The following RNF128 variants were observed in gnomAD, a reference collection of about 807,000 sequenced individuals.
RNF128 encodes ring finger protein 128, also known as E3 ubiquitin-protein ligase RNF128.
In RNF128, 13 loss-of-function variants were observed where a neutral mutation model predicts 26.2. That is an observed-to-expected ratio of 0.50 (90% CI 0.32 to 0.79). The LOEUF (loss-of-function observed/expected upper bound fraction) is 0.79. Ranked by LOEUF, RNF128 falls within the 30% of genes least tolerant of loss-of-function variation. The probability of loss-of-function intolerance (pLI) is 0.03; values close to 1 mark genes in which losing one functional copy is unlikely to be tolerated. For missense variants in RNF128, 315 were observed against 349.7 expected (o/e 0.90, Z 0.79); for synonymous variants, 149 against 142.5 (o/e 1.05, Z -0.32).
intron 1 of RNF128, among the ~76,000 whole-genome samples, chrX:106,754,363 G>A (rs998957291): frequency 5.9e-5 from 6 of 101,062 alleles, no homozygotes; most frequent in Non-Finnish European, 1.2e-4. Flanking sequence ...TGGGACTACA[G>A]TGGGACTACA....
At chrX:106,789,662 A>AATC (rs1930785710) in intron 4 of RNF128, among the ~76,000 whole-genome samples, 1 of 106,719 alleles carries the variant, frequency 9.4e-6, no homozygotes, top group Non-Finnish European at 1.9e-5. Flanking sequence ...AATAAAATGA[A>AATC]ATCATGCATC....
At chrX:106,769,342 C>T (rs886251643) in intron 1 of RNF128, among the ~76,000 whole-genome samples, 17 of 110,235 alleles carry the variant, frequency 1.5e-4, no homozygotes, top group Admixed American at 4.8e-4. Flanking sequence ...TTATTGTGTG[C>T]GTGTCTAAGT....
chrX:106,749,236 C>T (rs770410675), intron 1 of RNF128, among the ~76,000 whole-genome samples: 8 of 112,214 alleles, frequency 7.1e-5, no homozygotes, highest in Non-Finnish European at 1.5e-4. Flanking sequence ...ATGACCACAT[C>T]TATATTGCTT....
At chrX:106,730,282 G>T (rs1316144891) in intron 1 of RNF128, among the ~76,000 whole-genome samples, 4 of 112,329 alleles carry the variant, frequency 3.6e-5, no homozygotes, top group Non-Finnish European at 7.5e-5. Flanking sequence ...TATTTTGTTT[G>T]CAGAGTATTC....
At chrX:106,765,862 C>T (rs1389219644) in intron 1 of RNF128, among the ~76,000 whole-genome samples, 1 of 104,774 alleles carries the variant, frequency 9.5e-6, no homozygotes, top group African/African-American at 3.5e-5. Context: ...TAATGCTATC[C>T]CCCCCAGCCC....
In RNF128 at chrX:106,705,345, G is replaced by C. The variant is rs183243795; in HGVS notation, c.406+10937G>C. 4.5e-5 allele frequency among the ~76,000 whole-genome samples: 5 copies of C among 111,989 alleles called. No homozygotes were observed. The Admixed American group carries it at 4.7e-4, about 11-fold the overall frequency. The stretch of plus-strand genomic sequence containing the variant: ...GGCTGGAAAATGATCTGTTTGTTAT[G>C]ACTAATGCTAATTACCTATCTGCAT... On this transcript the variant is annotated intron_variant, in intron 1 of 6. Coordinates refer to the RNF128 transcript ENST00000324342.
chrX:106,698,241 C>A (rs1415796293), intron 1 of RNF128, among the ~76,000 whole-genome samples: 2 of 108,273 alleles, frequency 1.8e-5, no homozygotes, highest in Non-Finnish European at 3.8e-5. Flanking sequence ...TTAAGAAATG[C>A]TTAGATTTGG....
intron 1 of RNF128, among the ~76,000 whole-genome samples, chrX:106,733,116 AT>A (rs763383666): frequency 1.8e-5 from 2 of 111,183 alleles, no homozygotes; most frequent in East Asian, 5.6e-4. Context: ...CATATTAGGT[AT>A]TATAAATAAT....
intron 1 of RNF128, among the ~76,000 whole-genome samples, chrX:106,770,689 C>T (rs984976472): frequency 1.8e-5 from 2 of 111,514 alleles, no homozygotes; most frequent in African/African-American, 6.5e-5. Context: ...GCGATGGGTT[C>T]GAACATCCTC....
chrX:106,704,911 T>C (rs758808393), intron 1 of RNF128, among the ~76,000 whole-genome samples: 3 of 112,002 alleles, frequency 2.7e-5, no homozygotes, highest in Non-Finnish European at 5.6e-5. Flanking sequence ...TGTAAAGGGC[T>C]GGCATTGTAT....
At chrX:106,784,972 A>G (rs904510106) in intron 2 of RNF128, 93 bp from the exon 3 acceptor site, 2 of 614,389 alleles carry the variant, frequency 3.3e-6, no homozygotes, top group Non-Finnish European at 5.0e-6. Flanking sequence ...ATTGACTTTT[A>G]CCTGATAAAT....
intron 1 of RNF128, among the ~76,000 whole-genome samples, chrX:106,717,665 A>C (rs1159749890): frequency 8.9e-6 from 1 of 112,397 alleles, no homozygotes; most frequent in Non-Finnish European, 1.9e-5. Context: ...ACTCCAAAAT[A>C]GAAAATTATA....
Position 106,785,061 on chromosome X carries a change from A to G in RNF128, c.733-4A>G. The G allele has an allele frequency of 8.8e-7, 1 of 1,139,344 alleles. No homozygotes were observed. The highest frequency in any genetic ancestry group is 1.9e-5 in the African/African-American group (1 of 52,945). 93.9% of individuals were successfully genotyped at this position (1,139,344 alleles called of 1,213,427 possible). A position where few individuals can be genotyped will look rare whatever the true frequency, so the allele number is the denominator to read the frequency against. On this transcript the variant is annotated splice_polypyrimidine_tract_variant and splice_region_variant and intron_variant, in intron 2 of 6. Coordinates refer to ENST00000255499, the MANE Select transcript of RNF128 (RefSeq NM_194463.2). ...TCTAATACCTGCTGTTTTTTTTTTT[A>G]CAGAGGCAATTAAAGGCAGATGCTA...
intron 1 of RNF128, among the ~76,000 whole-genome samples, chrX:106,743,870 T>G (rs955142996): frequency 1.8e-5 from 2 of 111,467 alleles, no homozygotes; most frequent in Non-Finnish European, 3.8e-5. Context: ...CCAACAATGA[T>G]AGACTGGATT....
chrX:106,789,233 G>A (rs1280266017), intron 4 of RNF128, among the ~76,000 whole-genome samples: 1 of 93,358 alleles, frequency 1.1e-5, no homozygotes, highest in African/African-American at 3.8e-5. Flanking sequence ...TTCCAACTAA[G>A]GAGTGAACAC....
intron 3 of RNF128, among the ~76,000 whole-genome samples, chrX:106,787,173 G>C (rs1930671844): frequency 9.0e-6 from 1 of 111,329 alleles, no homozygotes; most frequent in Non-Finnish European, 1.9e-5. Flanking sequence ...ATTCATAATT[G>C]TCAAATACTG....
At chrX:106,792,289 G>C (rs1440891273) in intron 6 of RNF128, among the ~76,000 whole-genome samples, 2 of 102,720 alleles carry the variant, frequency 1.9e-5, no homozygotes, top group African/African-American at 7.1e-5. Context: ...AAAAGAGAGT[G>C]TACGAGATAA....
At chrX:106,791,042 T>C in intron 5 of RNF128, 24 bp from the exon 6 acceptor site, 1 of 1,193,370 alleles carries the variant, frequency 8.4e-7, no homozygotes, top group East Asian at 3.0e-5. Flanking sequence ...GAGAGGCTTT[T>C]AATTTGTTAC....
At chrX:106,697,181 G>C (rs1277271265) in intron 1 of RNF128, among the ~76,000 whole-genome samples, 5 of 112,017 alleles carry the variant, frequency 4.5e-5, no homozygotes, top group Non-Finnish European at 9.4e-5. Flanking sequence ...CATGGCTAAA[G>C]CTGTAATTGG....
Sources: gnomAD v4.1 joint callset for allele counts (sites outside exome capture counted in the v4.1 genomes callset) on GRCh38, gnomAD v4.1.1 for gene constraint, MANE v1.5 for transcripts, NCBI Gene and HGNC (gene_info 2026-07-23, HGNC 2026-07-21) for gene names.